The following PCSK6 variants were observed in gnomAD, a reference collection of about 807,000 sequenced individuals.
PCSK6 encodes paired basic amino acid cleaving enzyme 4.
In PCSK6, 85 loss-of-function variants were observed where a neutral mutation model predicts 123.3. The observed-to-expected ratio is 0.69, with a 90% CI of 0.58 to 0.83. The LOEUF is 0.83. PCSK6 is among the 40% of genes least tolerant of loss of function. The pLI is 0.00. For synonymous variants in PCSK6, 508 were observed against 516.0 expected (o/e 0.98, Z 0.21); for missense variants, 1,191 against 1,282.3 (o/e 0.93, Z 1.09).
At position 101,305,302 on chromosome 15, in the gene PCSK6, G is replaced by C; in HGVS notation, c.2866C>G (p.Leu956Val). The C allele has an allele frequency of 1.2e-6, 2 of 1,612,730 alleles. No individual in the cohort carries two copies. Among genetic ancestry groups the C allele is most frequent in the African/African-American group, 2.7e-5 (2 of 75,062 alleles). The change falls in exon 22 of 22, where the codon CTC (leucine) becomes GTC (valine). Residue 956 changes from leucine to valine, a missense_variant. Around this residue, in one of 3 missense-constraint regions of PCSK6, gnomAD observed 630 missense variants for 631.4 expected, o/e 1.00. Coordinates refer to ENST00000611716, the MANE Select transcript of PCSK6 (RefSeq NM_002570.5). The surrounding 1 kb of genome is among the most constrained non-coding windows in gnomAD (Gnocchi z 4.8). ...GTGCGGCAGCAGAACTGAATGAAGA[G>C]CTTCCGTTCGCACAGCCGGTTGGAC... ...VKSNRLCERK[L>V]FIQFCCRTCL...
intron 6 of PCSK6, among the ~76,000 whole-genome samples, chr15:101,421,923 T>G (rs1226626234): frequency 6.6e-6 from 1 of 152,236 alleles, no homozygotes; most frequent in Non-Finnish European, 1.5e-5. Context: ...TATATCAGAC[T>G]AACTCTTCTT....
In PCSK6 at chr15:101,443,553, T is replaced by C; in HGVS notation, c.402+3A>G. 6.2e-7 allele frequency: 1 copy of C among 1,604,548 alleles called. No individual in the cohort carries two copies. Among genetic ancestry groups the C allele is most frequent in the Middle Eastern group, 1.7e-4 (1 of 6,044 alleles). On this transcript the variant is annotated splice_donor_region_variant and intron_variant, in intron 2 of 21. Coordinates refer to ENST00000611716, the MANE Select transcript of PCSK6 (RefSeq NM_002570.5). ...CTTAGGAAAGCATCCGGACACTCTG[T>C]ACCTGGGGGTCCATTCTGAGGAAGG...
intron 13 of PCSK6, chr15:101,347,841 G>A: frequency 1.5e-6 from 2 of 1,341,200 alleles, no homozygotes; most frequent in Admixed American, 3.4e-5. Context: ...TGCAATCCCA[G>A]GGCAACAGGA....
chr15:101,368,556 T>C (rs1342642333), intron 12 of PCSK6, among the ~76,000 whole-genome samples: 1 of 152,194 alleles, frequency 6.6e-6, no homozygotes, highest in Non-Finnish European at 1.5e-5. Flanking sequence ...CCCGCCTGCC[T>C]GCTACCTGCT....
At chr15:101,338,831 A>G (rs2040539493) in intron 13 of PCSK6, among the ~76,000 whole-genome samples, 2 of 152,368 alleles carry the variant, frequency 1.3e-5, no homozygotes, top group Admixed American at 1.3e-4. Context: ...GGCTGCCTCC[A>G]GATGTCAACA....
intron 6 of PCSK6, among the ~76,000 whole-genome samples, chr15:101,423,819 C>A (rs1459031552): frequency 6.6e-6 from 1 of 151,440 alleles, no homozygotes; most frequent in Non-Finnish European, 1.5e-5. Context: ...AAAGAATAAC[C>A]CACTAAGAAG....
intron 1 of PCSK6, among the ~76,000 whole-genome samples, chr15:101,477,415 T>C (rs1212641412): frequency 6.6e-6 from 1 of 152,194 alleles, no homozygotes. Flanking sequence ...AACACAAATA[T>C]TTCAAAATCT....
In PCSK6 at chr15:101,439,442, C is replaced by G. The variant is rs377241456; in HGVS notation, c.402+4114G>C. On this transcript the variant is annotated intron_variant, in intron 2 of 21. Coordinates refer to ENST00000611716, the MANE Select transcript of PCSK6 (RefSeq NM_002570.5). ...AGCTGGGTGGTGCTGAAAATGTGAA[C>G]AGCCAACTTGTCACTGTCATTCGAT... Among the ~76,000 whole-genome samples the G allele has an allele frequency of 4.5e-4, 69 of 152,352 alleles. 1 individual carries two copies. In the East Asian group the frequency reaches 6.4e-3, roughly 14 times the overall value.
chr15:101,390,065 AG>A (rs1294568757), intron 8 of PCSK6, among the ~76,000 whole-genome samples: 1 of 152,126 alleles, frequency 6.6e-6, no homozygotes, highest in Admixed American at 6.5e-5. Context: ...TTCTGCCTTT[AG>A]CCAGTAGGTC....
chr15:101,423,427 A>G (rs2056150983), intron 6 of PCSK6, among the ~76,000 whole-genome samples: 2 of 151,878 alleles, frequency 1.3e-5, no homozygotes, highest in Admixed American at 1.3e-4. Flanking sequence ...CACCTGGCTG[A>G]TTTTTTGTAT....
Position 101,405,805 on chromosome 15 carries a change from G to A in PCSK6, c.824-7229C>T, listed in dbSNP as rs1279467373. 8.6e-5 allele frequency among the ~76,000 whole-genome samples: 13 copies of A among 151,632 alleles called. 1 individual carries two copies. Among genetic ancestry groups the A allele is most frequent in the South Asian group, 6.2e-4 (3 of 4,806 alleles). On this transcript the variant is annotated intron_variant, in intron 6 of 21. Transcript: ENST00000611716. Reference sequence around the variant, plus strand: ...GTCGCCCAGGCTGGAGTGCAGTGGCGTGATCTCAGCTCACTGCAACCTCGC... The same window carrying A: ...GTCGCCCAGGCTGGAGTGCAGTGGCATGATCTCAGCTCACTGCAACCTCGC...
At chr15:101,383,933 C>T in intron 10 of PCSK6, 1 of 174,574 alleles carries the variant, frequency 5.7e-6, no homozygotes, top group Non-Finnish European at 1.1e-5. Context: ...TGGAGTCCTG[C>T]TGTGTTGTCC....
At chr15:101,435,518 T>C (rs1031482634) in intron 2 of PCSK6, among the ~76,000 whole-genome samples, 7 of 152,254 alleles carry the variant, frequency 4.6e-5, no homozygotes, top group African/African-American at 1.4e-4. Flanking sequence ...TTTAACGTCA[T>C]ACTTTGAAGA....
Position 101,305,068 on chromosome 15 carries a change from A to G in PCSK6, c.*190T>C, listed in dbSNP as rs2039690360. ...AACAAGCAGCATTTGAGAGGATATC[A>G]CCATTTTAGGAACACCTCCTTAAGA... On this transcript the variant is annotated 3_prime_UTR_variant, in exon 22 of 22. Coordinates refer to ENST00000611716, the MANE Select transcript of PCSK6 (RefSeq NM_002570.5). This position sits in a 1 kb window ranked among gnomAD's most constrained non-coding sequence, Gnocchi z 4.8. The G allele has an allele frequency of 3.5e-6, 2 of 578,882 alleles. No homozygotes were observed. The highest frequency in any genetic ancestry group is 3.1e-6 in the Non-Finnish European group (1 of 323,678). The allele number at this position is 578,882 out of a possible 1,614,324, so 35.9% of individuals were successfully genotyped here. A position where few individuals can be genotyped will look rare whatever the true frequency, so the allele number is the denominator to read the frequency against.
chr15:101,358,253 C>G (rs1331202221), intron 13 of PCSK6, among the ~76,000 whole-genome samples: 6 of 152,188 alleles, frequency 3.9e-5, no homozygotes, highest in Non-Finnish European at 8.8e-5. Flanking sequence ...CAGCCGTACC[C>G]TTGGGGCAGT....
At chr15:101,352,517 G>T (rs1404601622) in intron 13 of PCSK6, among the ~76,000 whole-genome samples, 1 of 151,882 alleles carries the variant, frequency 6.6e-6, no homozygotes, top group African/African-American at 2.4e-5. Flanking sequence ...TTTCCAAATG[G>T]TTGGCCAATT....
intron 1 of PCSK6, among the ~76,000 whole-genome samples, chr15:101,452,978 T>C (rs1217824724): frequency 6.6e-6 from 1 of 152,204 alleles, no homozygotes; most frequent in African/African-American, 2.4e-5. Flanking sequence ...TTCTGTAAGT[T>C]TGTGATTGTT....
intron 13 of PCSK6, among the ~76,000 whole-genome samples, chr15:101,363,873 C>T (rs1294723583): frequency 3.3e-5 from 5 of 151,518 alleles, no homozygotes; most frequent in South Asian, 2.1e-4. Context: ...CTCCTGACTT[C>T]GTGATCCACC....
intron 8 of PCSK6, among the ~76,000 whole-genome samples, chr15:101,390,877 T>C (rs1415183331): frequency 3.3e-5 from 5 of 152,322 alleles, no homozygotes; most frequent in South Asian, 2.1e-4. Flanking sequence ...AAGTTTGTGA[T>C]AATTTGTTAT....
Sources: gnomAD v4.1 joint callset for allele counts (sites outside exome capture counted in the v4.1 genomes callset) on GRCh38, gnomAD v4.1.1 for gene constraint, gnomAD v4.1.1 regional missense constraint, Gnocchi (gnomAD v3.1) non-coding constraint, MANE v1.5 for transcripts, NCBI Gene and HGNC (gene_info 2026-07-23, HGNC 2026-07-21) for gene names.